The following ADGRV1 variants were observed in gnomAD, a reference collection of about 807,000 sequenced individuals.
ADGRV1 encodes adhesion G protein-coupled receptor V1, also known as G-protein coupled receptor 98.
Under a neutral mutation model 596.2 loss-of-function variants are expected in ADGRV1, and 359 were observed. The observed-to-expected ratio is 0.60, with a 90% CI of 0.55 to 0.66. The LOEUF is 0.66. Among genes scored for constraint, ADGRV1 ranks in the 30% least tolerant of loss-of-function variants. The probability of loss-of-function intolerance (pLI) is 0.00; values close to 1 mark genes in which losing one functional copy is unlikely to be tolerated. For missense variants in ADGRV1, 7,274 were observed against 7,575.6 expected, an observed-to-expected ratio of 0.96 and a Z score of 1.48; for synonymous variants, 2,681 against 2,679.2, an observed-to-expected ratio of 1.00 and a Z score of -0.02.
At chr5:90,797,698 T>C (rs1048371061) in intron 70 of ADGRV1, among the ~76,000 whole-genome samples, 1 of 152,184 alleles carries the variant, frequency 6.6e-6, no homozygotes, top group Non-Finnish European at 1.5e-5. Flanking sequence ...CTCGTCGCAC[T>C]TATTCTAAAA....
At chr5:91,021,095 A>T (rs1783595936) in intron 85 of ADGRV1, among the ~76,000 whole-genome samples, 2 of 152,086 alleles carry the variant, frequency 1.3e-5, no homozygotes, top group African/African-American at 4.8e-5. Context: ...TCAGAAACAG[A>T]CACAAATCAA....
intron 15 of ADGRV1, among the ~76,000 whole-genome samples, chr5:90,645,685 G>T (rs1321107725): frequency 3.3e-5 from 5 of 151,956 alleles, no homozygotes; most frequent in Admixed American, 6.6e-5. Flanking sequence ...TGACCTCTGT[G>T]GTATATCAGT....
At chr5:90,957,205 A>G (rs1183576350) in intron 83 of ADGRV1, among the ~76,000 whole-genome samples, 1 of 152,250 alleles carries the variant, frequency 6.6e-6, no homozygotes, top group Non-Finnish European at 1.5e-5. Context: ...ATTAAGCCTC[A>G]GTTTCCTTCT....
chr5:90,863,987 G>C (rs912444924), intron 83 of ADGRV1, 130 bp downstream of exon 83: 2 of 613,992 alleles, frequency 3.3e-6, no homozygotes, highest in Non-Finnish European at 5.8e-6. Context: ...GTTTTGCAGT[G>C]GAAGAGAATG....
intron 29 of ADGRV1, 123 bp from the exon 30 acceptor site, chr5:90,689,738 T>C (rs1746214599): frequency 3.1e-6 from 2 of 654,440 alleles, no homozygotes; most frequent in Non-Finnish European, 5.2e-6. Flanking sequence ...ATGTAGTCAA[T>C]ATCCTCAAAA....
rs546468848 is a variant in ADGRV1, at chr5:90,813,049, C to T, written c.16078+1711C>T. 1.3e-3 allele frequency among the ~76,000 whole-genome samples: 180 copies of T among 138,702 alleles called. 7 individuals carry two copies. The Admixed American group carries it at 0.013, about 10-fold the overall frequency. 91.0% of individuals were successfully genotyped at this position (138,702 alleles called of 152,430 possible). On this transcript the variant is annotated intron_variant, in intron 74 of 89. Coordinates refer to ENST00000405460, the MANE Select transcript of ADGRV1 (RefSeq NM_032119.4). ...TCGGGAGGCTGAGGCAGGAGAATGG[C>T]GTGAACCTGGGAGACGGAGCTTGCA...
intron 85 of ADGRV1, among the ~76,000 whole-genome samples, chr5:91,063,482 C>G (rs1426041502): frequency 6.6e-6 from 1 of 152,100 alleles, no homozygotes; most frequent in Non-Finnish European, 1.5e-5. Context: ...TAGTAATTCC[C>G]TATCGTTTAA....
chr5:90,828,141 A>T (rs756191234), intron 76 of ADGRV1, among the ~76,000 whole-genome samples: 21 of 152,302 alleles, frequency 1.4e-4, no homozygotes, highest in Non-Finnish European at 2.9e-4. Context: ...ATTATTTGAG[A>T]CTGTTGAGAA....
chr5:90,893,840 G>A (rs555749886), intron 83 of ADGRV1, among the ~76,000 whole-genome samples: 3 of 152,204 alleles, frequency 2.0e-5, no homozygotes, highest in African/African-American at 2.4e-5. Context: ...GTGACAAAAG[G>A]TTGTTCATTT....
intron 85 of ADGRV1, among the ~76,000 whole-genome samples, chr5:91,063,545 T>C (rs2062383695): frequency 6.6e-6 from 1 of 152,196 alleles, no homozygotes; most frequent in Non-Finnish European, 1.5e-5. Context: ...TAACATCATT[T>C]TGGAACAGTT....
chr5:90,616,286 C>T (rs1185462201), intron 2 of ADGRV1, among the ~76,000 whole-genome samples: 1 of 152,000 alleles, frequency 6.6e-6, no homozygotes, highest in African/African-American at 2.4e-5. Context: ...AAAGAGATCT[C>T]ATTTTGATCG....
chr5:91,073,894 C>T (rs1487687436), intron 86 of ADGRV1, among the ~76,000 whole-genome samples: 1 of 152,174 alleles, frequency 6.6e-6, no homozygotes, highest in Non-Finnish European at 1.5e-5. Flanking sequence ...GATGGGGTTT[C>T]ACCACATTGC....
intron 82 of ADGRV1, among the ~76,000 whole-genome samples, chr5:90,862,302 G>A (rs1767672718): frequency 2.2e-5 from 1 of 46,318 alleles, no homozygotes; most frequent in African/African-American, 8.9e-5. Flanking sequence ...TTGTGATCAT[G>A]TGCCTTAAAA....
chr5:90,717,676 T>A (rs1750327204), intron 43 of ADGRV1: 1 of 152,264 alleles, frequency 6.6e-6, no homozygotes, highest in African/African-American at 2.4e-5. Context: ...TGGCTAATTT[T>A]TTGTATTTTT....
chr5:90,833,720 G>A (rs1175535196), intron 77 of ADGRV1, among the ~76,000 whole-genome samples: 1 of 152,084 alleles, frequency 6.6e-6, no homozygotes, highest in Non-Finnish European at 1.5e-5. Context: ...ATATAGAAAT[G>A]CTACTGATTT....
chr5:91,013,254 T>C (rs1419436800), intron 85 of ADGRV1, among the ~76,000 whole-genome samples: 1 of 152,126 alleles, frequency 6.6e-6, no homozygotes, highest in Non-Finnish European at 1.5e-5. Context: ...AGTTGAATGA[T>C]AGATCTGCTT....
At chr5:90,883,641 A>G (rs1452467288) in intron 83 of ADGRV1, among the ~76,000 whole-genome samples, 1 of 151,916 alleles carries the variant, frequency 6.6e-6, no homozygotes, top group African/African-American at 2.4e-5. Flanking sequence ...TCTAACTGCT[A>G]CTTCTCTGTT....
intron 83 of ADGRV1, among the ~76,000 whole-genome samples, chr5:90,957,642 GTATA>G (rs1777598543): frequency 6.8e-6 from 1 of 146,982 alleles, no homozygotes; most frequent in African/African-American, 2.5e-5. Flanking sequence ...TTACATATAT[GTATA>G]TATAAATATA....
At chr5:90,667,642 C>T (rs1448072281) in intron 21 of ADGRV1, among the ~76,000 whole-genome samples, 3 of 151,604 alleles carry the variant, frequency 2.0e-5, no homozygotes, top group East Asian at 3.9e-4. Context: ...AGCTTTGTTC[C>T]GTTGCTGGTG....
Sources: gnomAD v4.1 joint callset for allele counts (sites outside exome capture counted in the v4.1 genomes callset) on GRCh38, gnomAD v4.1.1 for gene constraint, MANE v1.5 for transcripts, NCBI Gene and HGNC (gene_info 2026-07-23, HGNC 2026-07-21) for gene names.